IGF2BP2: variants seen among roughly 807,000 people sequenced by gnomAD.
The protein encoded by IGF2BP2 is insulin like growth factor 2 mRNA binding protein 2.
A neutral mutation model predicts 75.8 loss-of-function variants in IGF2BP2; 17 were observed. That is an observed-to-expected ratio of 0.22 (90% CI 0.15 to 0.34). IGF2BP2 has a LOEUF of 0.34. Ranked by LOEUF, IGF2BP2 falls within the 10% of genes least tolerant of loss-of-function variation. IGF2BP2 has a pLI of 1.00. For synonymous variants in IGF2BP2, 288 were observed against 295.6 expected, an observed-to-expected ratio of 0.97 and a Z score of 0.26; for missense variants, 516 against 772.4, an observed-to-expected ratio of 0.67 and a Z score of 3.93.
chr3:185,706,944 G>C (rs1405424914), intron 2 of IGF2BP2, among the ~76,000 whole-genome samples: 1 of 151,862 alleles, frequency 6.6e-6, no homozygotes, highest in Non-Finnish European at 1.5e-5. Context: ...GTTTCTCCAT[G>C]TTGCCTAGGC....
intron 2 of IGF2BP2, among the ~76,000 whole-genome samples, chr3:185,714,902 C>A (rs988252172): frequency 6.6e-6 from 1 of 152,190 alleles, no homozygotes; most frequent in African/African-American, 2.4e-5. Flanking sequence ...AATTTCATTT[C>A]ACTTATTCCA....
chr3:185,665,236 GAGA>G (rs1717147056), intron 10 of IGF2BP2, among the ~76,000 whole-genome samples: 3 of 142,798 alleles, frequency 2.1e-5, no homozygotes, highest in Admixed American at 7.0e-5. Context: ...GGAGGAGGAG[GAGA>G]AGGAGAAGAA....
intron 7 of IGF2BP2, among the ~76,000 whole-genome samples, chr3:185,682,112 G>A (rs1720481047): frequency 1.3e-5 from 2 of 152,178 alleles, no homozygotes; most frequent in African/African-American, 2.4e-5. Flanking sequence ...AATCAACAGA[G>A]TGAAAGGTCA....
intron 2 of IGF2BP2, among the ~76,000 whole-genome samples, chr3:185,808,152 G>GAAAC (rs1225427110): frequency 4.0e-5 from 5 of 123,856 alleles, no homozygotes; most frequent in Admixed American, 7.6e-5. Context: ...AAGAAAGAAA[G>GAAAC]AAACAAACAA....
intron 10 of IGF2BP2, among the ~76,000 whole-genome samples, chr3:185,660,498 G>A (rs1184986599): frequency 6.6e-6 from 1 of 152,196 alleles, no homozygotes; most frequent in Non-Finnish European, 1.5e-5. Flanking sequence ...AGCTGCTCCA[G>A]GGCTGCTGTA....
At chr3:185,806,215 T>G (rs928914915) in intron 2 of IGF2BP2, among the ~76,000 whole-genome samples, 15 of 152,226 alleles carry the variant, frequency 9.9e-5, no homozygotes, top group African/African-American at 3.6e-4. Flanking sequence ...TTGACTGTTT[T>G]GTGAAAAAAT....
rs530631234 is a variant in IGF2BP2, at chr3:185,801,603, CAG to C, written c.239+21548_239+21549del. ...AAATTAGTTCAACTATTGTGGAAGACAGTGTGGCAATGCCTCAAGGATCTAGA... is the reference window on the plus strand; with the variant it reads ...AAATTAGTTCAACTATTGTGGAAGACTGTGGCAATGCCTCAAGGATCTAGA... On this transcript the variant is annotated intron_variant, in intron 2 of 15. Coordinates refer to ENST00000382199, the MANE Select transcript of IGF2BP2 (RefSeq NM_006548.6). Among the ~76,000 whole-genome samples, 73 of 151,512 alleles carry C rather than the reference CAG, an allele frequency of 4.8e-4. No individual in the cohort carries two copies. The South Asian group carries it at 6.5e-3, about 13-fold the overall frequency.
At position 185,747,427 on chromosome 3, in the gene IGF2BP2, C is replaced by T. The variant is rs919191393; in HGVS notation, c.240-49080G>A. ...GGTGCAGTGGCTCACACCTGTAATC[C>T]CAACACTTTGGGAGGCCAAGAGGGG... On this transcript the variant is annotated intron_variant, in intron 2 of 15. Coordinates refer to ENST00000382199, the MANE Select transcript of IGF2BP2 (RefSeq NM_006548.6). Among the ~76,000 whole-genome samples the T allele has an allele frequency of 2.6e-5, 4 of 152,160 alleles. No individual in the cohort carries two copies. The East Asian group carries it at 7.7e-4, about 29-fold the overall frequency.
rs71164535 is a variant in IGF2BP2, at chr3:185,677,068, T to TAG, written c.813-1157_813-1156dup. On this transcript the variant is annotated intron_variant, in intron 7 of 15. Coordinates refer to ENST00000382199, the MANE Select transcript of IGF2BP2 (RefSeq NM_006548.6). ...AGATATATATATATATATATATATA[T>TAG]AGAGAGAGAGAGAGAGAGAGAGAGA... Among the ~76,000 whole-genome samples, 142 of 35,858 alleles carry TAG rather than the reference T, an allele frequency of 4.0e-3. 5 individuals carry two copies. Among genetic ancestry groups the TAG allele is most frequent in the Non-Finnish European group, 4.6e-3 (99 of 21,536 alleles). 23.5% of individuals were successfully genotyped at this position (35,858 alleles called of 152,430 possible).
chr3:185,752,824 T>G (rs756562326), intron 2 of IGF2BP2, among the ~76,000 whole-genome samples: 2 of 152,156 alleles, frequency 1.3e-5, no homozygotes, highest in Non-Finnish European at 1.5e-5. Flanking sequence ...CTCGAACTCC[T>G]AACCTCAAGT....
At chr3:185,762,470 T>G (rs1578221448) in intron 2 of IGF2BP2, among the ~76,000 whole-genome samples, 1 of 143,914 alleles carries the variant, frequency 6.9e-6, no homozygotes, top group Non-Finnish European at 1.5e-5. Flanking sequence ...GAGGTGGAGG[T>G]TGCAGTGAGA....
intron 2 of IGF2BP2, among the ~76,000 whole-genome samples, chr3:185,779,924 T>C (rs1303358212): frequency 6.6e-6 from 1 of 152,204 alleles, no homozygotes. Flanking sequence ...AATACTTGTA[T>C]ATAAGCGTAA....
chr3:185,787,498 C>A (rs749345790), intron 2 of IGF2BP2, among the ~76,000 whole-genome samples: 24 of 152,258 alleles, frequency 1.6e-4, no homozygotes, highest in African/African-American at 2.6e-4. Context: ...TTTGGGAGGC[C>A]GAGGTGGGCA....
intron 2 of IGF2BP2, among the ~76,000 whole-genome samples, chr3:185,729,434 T>G (rs1187988250): frequency 1.3e-5 from 2 of 152,220 alleles, no homozygotes; most frequent in Admixed American, 6.5e-5. Flanking sequence ...ATTTGACCTC[T>G]TAAGAACTAG....
At chr3:185,800,515 T>A (rs1288733320) in intron 2 of IGF2BP2, among the ~76,000 whole-genome samples, 1 of 152,000 alleles carries the variant, frequency 6.6e-6, no homozygotes, top group Non-Finnish European at 1.5e-5. Flanking sequence ...GAGGCAAGGA[T>A]CATTTGAGGT....
At chr3:185,652,252 C>A (rs1560227365) in intron 12 of IGF2BP2, 84 bp from the exon 13 acceptor site, 3 of 1,167,378 alleles carry the variant, frequency 2.6e-6, no homozygotes, top group South Asian at 3.0e-5. Flanking sequence ...GGCAAGCATA[C>A]CAGCAGGAGG....
intron 2 of IGF2BP2, chr3:185,717,015 G>A: frequency 2.9e-6 from 1 of 341,654 alleles, no homozygotes; most frequent in Non-Finnish European, 5.8e-6. Context: ...TGAACAGACA[G>A]CAGGAGTGGC....
At chr3:185,727,199 CAGAG>C (rs1358978655) in intron 2 of IGF2BP2, among the ~76,000 whole-genome samples, 1 of 134,144 alleles carries the variant, frequency 7.5e-6, no homozygotes, top group South Asian at 2.3e-4. Flanking sequence ...GCCTGGGCGA[CAGAG>C]AGAGACTCCG....
At chr3:185,681,560 T>C (rs1030455948) in intron 7 of IGF2BP2, among the ~76,000 whole-genome samples, 1 of 152,202 alleles carries the variant, frequency 6.6e-6, no homozygotes. Flanking sequence ...ACAGTGGGCA[T>C]TGTTTGAAGA....
Sources: gnomAD v4.1 joint callset for allele counts (sites outside exome capture counted in the v4.1 genomes callset) on GRCh38, gnomAD v4.1.1 for gene constraint, MANE v1.5 for transcripts, NCBI Gene and HGNC (gene_info 2026-07-23, HGNC 2026-07-21) for gene names.